CLEC2B: variants seen among roughly 807,000 people sequenced by gnomAD.
CLEC2B encodes C-type (calcium dependent, carbohydrate-recognition domain) lectin, superfamily member 2 (activation-induced).
A neutral mutation model predicts 16.2 loss-of-function variants in CLEC2B; 14 were observed. The observed-to-expected ratio is 0.86, with a 90% CI of 0.57 to 1.35. The LOEUF (loss-of-function observed/expected upper bound fraction) is 1.35. Ranked by LOEUF, CLEC2B falls within the 40% of genes most tolerant of loss-of-function variation. The pLI is 0.00. For missense variants in CLEC2B, 166 were observed against 182.3 expected, an observed-to-expected ratio of 0.91 and a Z score of 0.52; for synonymous variants, 42 against 55.8, an observed-to-expected ratio of 0.75 and a Z score of 1.10.
intron 1 of CLEC2B, among the ~76,000 whole-genome samples, chr12:9,866,216 T>C (rs1214898706): frequency 6.6e-6 from 1 of 152,128 alleles, no homozygotes; most frequent in Non-Finnish European, 1.5e-5. Context: ...GAATTATTTA[T>C]TAATTTTCTT....
intron 3 of CLEC2B, among the ~76,000 whole-genome samples, chr12:9,855,716 T>C (rs1867890294): frequency 6.6e-6 from 1 of 152,014 alleles, no homozygotes; most frequent in Middle Eastern, 3.2e-3. Flanking sequence ...TCCTGCTCTA[T>C]GAAAAATGTT....
At chr12:9,866,185 A>G (rs967927404) in intron 1 of CLEC2B, among the ~76,000 whole-genome samples, 1 of 152,110 alleles carries the variant, frequency 6.6e-6, no homozygotes, top group Non-Finnish European at 1.5e-5. Flanking sequence ...TATCTTTCAT[A>G]TATAACCTTA....
intron 1 of CLEC2B, among the ~76,000 whole-genome samples, chr12:9,865,067 T>C (rs1234472705): frequency 6.6e-6 from 1 of 150,668 alleles, no homozygotes; most frequent in Non-Finnish European, 1.5e-5. Context: ...CCTGTGATCC[T>C]GGCTACTCAG....
Position 9,853,145 on chromosome 12 carries a change from C to A in CLEC2B, c.*155G>T. On this transcript the variant is annotated 3_prime_UTR_variant, in exon 5 of 5. Transcript: ENST00000228438. ...CAGAATACCTGTAACCATTTTTTGC[C>A]AATCTTTGAAGTGGCTTTTATGTGT... 3 of 544,430 alleles carry A rather than the reference C, an allele frequency of 5.5e-6. No homozygotes were observed. Among genetic ancestry groups the A allele is most frequent in the Non-Finnish European group, 9.7e-6 (3 of 310,004 alleles). 33.7% of individuals were successfully genotyped at this position (544,430 alleles called of 1,614,324 possible).
In CLEC2B at chr12:9,862,666, A is replaced by G. The variant is rs1048026094; in HGVS notation, c.-2-93T>C. ...GCTTTAATGTCCCCCACAGAAAACAACAACAAAATATTAGTGCTGTGATTA... is the reference window on the plus strand; with the variant it reads ...GCTTTAATGTCCCCCACAGAAAACAGCAACAAAATATTAGTGCTGTGATTA... On this transcript the variant is annotated intron_variant, in intron 1 of 4. Transcript: ENST00000228438. The G allele has an allele frequency of 1.1e-5, 12 of 1,087,336 alleles. No homozygotes were observed. The African/African-American group carries it at 2.0e-4, about 18-fold the overall frequency. The allele number at this position is 1,087,336 out of a possible 1,614,324, so 67.4% of individuals were successfully genotyped here.
Position 9,858,747 on chromosome 12 carries a change from CAT to C in CLEC2B, c.74-1112_74-1111del, listed in dbSNP as rs199526389. ...AAGGGTGTATATATACATATACACA[CAT>C]ATGTGTATATATCTCTCTCATGTAC... On this transcript the variant is annotated intron_variant, in intron 2 of 4. Coordinates refer to ENST00000228438, the MANE Select transcript of CLEC2B (RefSeq NM_005127.3). 7.8e-3 allele frequency among the ~76,000 whole-genome samples: 1,183 copies of C among 151,494 alleles called. 11 individuals are homozygous for C. The highest frequency in any genetic ancestry group is 0.017 in the Middle Eastern group (5 of 294).
intron 1 of CLEC2B, chr12:9,866,934 C>T (rs1229027246): frequency 1.3e-5 from 2 of 152,118 alleles, no homozygotes. Flanking sequence ...GGAGCCCTTT[C>T]CATTGCAAAG....
Position 9,852,978 on chromosome 12 carries a change from C to A in CLEC2B, c.*322G>T. On this transcript the variant is annotated 3_prime_UTR_variant, in exon 5 of 5. Coordinates refer to ENST00000228438, the MANE Select transcript of CLEC2B (RefSeq NM_005127.3). The stretch of plus-strand genomic sequence containing the variant: ...TCCTATTCTGGTACTCAAATTGTTC[C>A]ATATTGGGTCATGAAAGTCCTGTCT... 4.5e-6 allele frequency: 1 copy of A among 224,556 alleles called. No homozygotes were observed. The highest frequency in any genetic ancestry group is 8.9e-6 in the Non-Finnish European group (1 of 112,262). 13.9% of individuals were successfully genotyped at this position (224,556 alleles called of 1,614,324 possible). A position where few individuals can be genotyped will look rare whatever the true frequency, so the allele number is the denominator to read the frequency against.
Position 9,853,103 on chromosome 12 carries a change from G to A in CLEC2B, c.*197C>T. On this transcript the variant is annotated 3_prime_UTR_variant, in exon 5 of 5. Coordinates refer to ENST00000228438, the MANE Select transcript of CLEC2B (RefSeq NM_005127.3). ...AAAGAAAGAGAGAGAGAGAAAGAAA[G>A]AAAGAAAAAAACTCAGCAGAATACC... 2.1e-6 allele frequency: 1 copy of A among 483,470 alleles called. No homozygotes were observed. 29.9% of individuals were successfully genotyped at this position (483,470 alleles called of 1,614,324 possible).
chr12:9,857,625 C>A lies in CLEC2B; in HGVS notation c.86G>T (p.Arg29Leu). The change falls in exon 3 of 5, where the codon CGA becomes CTA. Residue 29 changes from arginine (R) to leucine (L), a missense_variant. By Grantham distance (102) the Arg-to-Leu change is moderately radical. Transcript: ENST00000228438. ...ATAGGGGCATAAACTCTGAGAATCT[C>A]GAGTTAGTTTAACTGGAAATGAGAC... ...NIITLIVKLTRDSQSLCPYDW... is the reference protein window; with the variant it reads ...NIITLIVKLTLDSQSLCPYDW... 6.2e-7 allele frequency: 1 copy of A among 1,608,300 alleles called. No individual in the cohort carries two copies. The highest frequency in any genetic ancestry group is 8.5e-7 in the Non-Finnish European group (1 of 1,175,632).
chr12:9,854,660 T>G (rs919516620), intron 3 of CLEC2B, 176 bp from the exon 4 acceptor site: 20 of 521,604 alleles, frequency 3.8e-5, no homozygotes, highest in Admixed American at 1.5e-4. Flanking sequence ...TGACCTTCAG[T>G]TTTTTTTGTG....
intron 3 of CLEC2B, chr12:9,856,804 T>C (rs1456075722): frequency 6.6e-6 from 1 of 152,094 alleles, no homozygotes; most frequent in Non-Finnish European, 1.5e-5. Context: ...AGAACAAATT[T>C]CATGAATGTA....
At chr12:9,862,670 C>G (rs1236722801) in intron 1 of CLEC2B, 97 bp from the exon 2 acceptor site, 2 of 1,047,144 alleles carry the variant, frequency 1.9e-6, no homozygotes, top group Non-Finnish European at 2.5e-6. Flanking sequence ...AAAACAACAA[C>G]AAAATATTAG....
chr12:9,858,036 C>T lies in CLEC2B; in HGVS notation c.74-399G>A, dbSNP rs562390042. ...CATGATTTAATCTACAAAGAAGCAA[C>T]AAAAATAATAAAGCAAAATACAAAA... On this transcript the variant is annotated intron_variant, in intron 2 of 4. Coordinates refer to ENST00000228438, the MANE Select transcript of CLEC2B (RefSeq NM_005127.3). 1.3e-4 allele frequency among the ~76,000 whole-genome samples: 20 copies of T among 151,928 alleles called. No individual in the cohort carries two copies. The South Asian group carries it at 3.9e-3, about 30-fold the overall frequency.
At chr12:9,860,781 G>A (rs980148475) in intron 2 of CLEC2B, among the ~76,000 whole-genome samples, 2 of 151,806 alleles carry the variant, frequency 1.3e-5, no homozygotes, top group Non-Finnish European at 3.0e-5. Context: ...GTAAATTAAT[G>A]TAATAAAATT....
chr12:9,863,837 G>T (rs1867950838), intron 1 of CLEC2B, among the ~76,000 whole-genome samples: 1 of 152,018 alleles, frequency 6.6e-6, no homozygotes, highest in South Asian at 2.1e-4. Context: ...AAGAATTATT[G>T]GTGTTTAAGA....
chr12:9,866,195 A>T (rs990616494), intron 1 of CLEC2B, among the ~76,000 whole-genome samples: 10 of 152,136 alleles, frequency 6.6e-5, no homozygotes, highest in African/African-American at 2.4e-4. Flanking sequence ...ATATAACCTT[A>T]TTAATATCAT....
At chr12:9,861,776 A>G (rs1867934616) in intron 2 of CLEC2B, among the ~76,000 whole-genome samples, 1 of 152,154 alleles carries the variant, frequency 6.6e-6, no homozygotes, top group South Asian at 2.1e-4. Context: ...TTACATTTTA[A>G]AAAGAAATAA....
rs1252382422 is a variant in CLEC2B, at chr12:9,852,757, C to G, written c.*543G>C. Among the ~76,000 whole-genome samples the G allele has an allele frequency of 2.0e-5, 3 of 152,046 alleles. No homozygotes were observed. The highest frequency in any genetic ancestry group is 4.4e-5 in the Non-Finnish European group (3 of 68,002). On this transcript the variant is annotated 3_prime_UTR_variant, in exon 5 of 5. Transcript: ENST00000228438. ...CCTCACCTTCACTCTTAAAGCCCCA[C>G]CCCCCTTTGTTTTGACAGATTTCAG...
Sources: allele counts gnomAD v4.1 joint callset (sites outside exome capture counted in the v4.1 genomes callset), GRCh38; gene constraint gnomAD v4.1.1; transcripts MANE v1.5; gene names NCBI Gene and HGNC (gene_info 2026-07-23, HGNC 2026-07-21).